The following UBE2D3 variants were observed in gnomAD, a reference collection of about 807,000 sequenced individuals.
UBE2D3 encodes the protein ubiquitin conjugating enzyme E2 D3.
In UBE2D3, 2 loss-of-function variants were observed where a neutral mutation model predicts 22.8. The observed-to-expected ratio is 0.09, with a 90% CI of 0.04 to 0.28. UBE2D3 has a LOEUF of 0.28. Among genes scored for constraint, UBE2D3 ranks in the 10% least tolerant of loss-of-function variants. The probability of loss-of-function intolerance (pLI) is 1.00; values close to 1 mark genes in which losing one functional copy is unlikely to be tolerated. For synonymous variants in UBE2D3, 56 were observed against 60.4 expected (o/e 0.93, Z 0.34); for missense variants, 27 against 182.5 (o/e 0.15, Z 4.91).
chr4:102,837,733 C>CCT (rs1731491139), intron 1 of UBE2D3, among the ~76,000 whole-genome samples: 1 of 152,088 alleles, frequency 6.6e-6, no homozygotes, highest in Non-Finnish European at 1.5e-5. Context: ...GGGCGGATCA[C>CCT]GAGGTCAGGA....
intron 1 of UBE2D3, among the ~76,000 whole-genome samples, chr4:102,836,295 C>T (rs1194389132): frequency 5.3e-5 from 8 of 151,876 alleles, no homozygotes; most frequent in Admixed American, 3.9e-4. Context: ...TATAGGCACT[C>T]GCCACCACGC....
At chr4:102,864,109 A>G (rs917221961) in intron 1 of UBE2D3, among the ~76,000 whole-genome samples, 2 of 152,196 alleles carry the variant, frequency 1.3e-5, no homozygotes, top group East Asian at 1.9e-4. Flanking sequence ...ATTGCTATCT[A>G]TGTCTTAATT....
intron 4 of UBE2D3, 30 bp from the exon 5 acceptor site, chr4:102,802,668 A>T (rs1218892928): frequency 6.6e-7 from 1 of 1,513,060 alleles, no homozygotes; most frequent in Admixed American, 1.9e-5. Flanking sequence ...CTTAACTCAA[A>T]TTTAAAATAT....
At chr4:102,799,101 T>C in intron 7 of UBE2D3, 2 of 1,113,956 alleles carry the variant, frequency 1.8e-6, no homozygotes, top group Non-Finnish European at 2.6e-6. Flanking sequence ...GTACTAACAT[T>C]TTTGGAAAAA....
chr4:102,825,637 A>G (rs1730333106), intron 2 of UBE2D3: 2 of 1,132,822 alleles, frequency 1.8e-6, no homozygotes, highest in Middle Eastern at 4.6e-4. Context: ...TTTTTTTTCA[A>G]CTTAAATCGA....
chr4:102,837,271 C>T (rs911191926), intron 1 of UBE2D3, among the ~76,000 whole-genome samples: 2 of 152,158 alleles, frequency 1.3e-5, no homozygotes, highest in African/African-American at 4.8e-5. Context: ...TTGTTAAACA[C>T]AGCCATTATT....
At chr4:102,832,980 G>C (rs1002928606) in intron 1 of UBE2D3, among the ~76,000 whole-genome samples, 1 of 142,480 alleles carries the variant, frequency 7.0e-6, no homozygotes, top group Non-Finnish European at 1.5e-5. Context: ...CTAGGTGACA[G>C]AGTGAGACCC....
intron 1 of UBE2D3, among the ~76,000 whole-genome samples, chr4:102,835,929 G>A (rs146322023): frequency 5.5e-4 from 83 of 152,030 alleles, no homozygotes; most frequent in Non-Finnish European, 1.1e-3. Context: ...TTCTGTCACG[G>A]TAAATTAGTT....
intron 1 of UBE2D3, among the ~76,000 whole-genome samples, chr4:102,833,474 T>C (rs1731223340): frequency 6.6e-6 from 1 of 152,182 alleles, no homozygotes; most frequent in Non-Finnish European, 1.5e-5. Context: ...TATAAGTGGG[T>C]ATCAAGGTGA....
At position 102,818,948 on chromosome 4, in the gene UBE2D3, G is replaced by A. The variant is rs148069784; in HGVS notation, c.24+7537C>T. Among the ~76,000 whole-genome samples, 207 of 152,258 alleles carry A rather than the reference G, an allele frequency of 1.4e-3. No individual in the cohort carries two copies. In the Middle Eastern group the frequency reaches 0.017, roughly 13 times the overall value. ...CATTCAATGATAAGTGGTACTAGCA[G>A]TGGTGACCAACCACAGGCTACAAAG... On this transcript the variant is annotated intron_variant, in intron 2 of 7. Transcript: ENST00000453744.
At chr4:102,865,996 G>A (rs1164581171) in intron 1 of UBE2D3, among the ~76,000 whole-genome samples, 1 of 152,108 alleles carries the variant, frequency 6.6e-6, no homozygotes, top group African/African-American at 2.4e-5. Flanking sequence ...TCTATTTAGA[G>A]CAATATTATC....
chr4:102,797,160 TTA>T lies in UBE2D3; in HGVS notation c.*253_*254del. The T allele has an allele frequency of 1.2e-5, 4 of 340,640 alleles. No homozygotes were observed. The highest frequency in any genetic ancestry group is 6.9e-5 in the South Asian group (1 of 14,512). 21.1% of individuals were successfully genotyped at this position (340,640 alleles called of 1,614,324 possible). On this transcript the variant is annotated 3_prime_UTR_variant, in exon 8 of 8. Transcript: ENST00000453744. ...TAATACACATGCTCCATTTTTTTTTTTAAAAATTCTGAGTCTTGGGCAACTGT... is the reference window on the plus strand; with the variant it reads ...TAATACACATGCTCCATTTTTTTTTTAAAATTCTGAGTCTTGGGCAACTGT...
chr4:102,862,368 T>C (rs1230752098), intron 1 of UBE2D3, among the ~76,000 whole-genome samples: 2 of 152,024 alleles, frequency 1.3e-5, no homozygotes, highest in East Asian at 3.8e-4. Flanking sequence ...GTTTCTCATA[T>C]GATAATCATT....
At chr4:102,826,812 G>C in intron 1 of UBE2D3, 176 bp from the exon 2 acceptor site, 1 of 1,235,690 alleles carries the variant, frequency 8.1e-7, no homozygotes, top group South Asian at 2.4e-5. Flanking sequence ...GGGAAGAGCG[G>C]AGGTGGTGGC....
intron 2 of UBE2D3, chr4:102,825,225 T>C: frequency 1.0e-6 from 1 of 985,652 alleles, no homozygotes; most frequent in Non-Finnish European, 1.2e-6. Flanking sequence ...AAAACCAAAG[T>C]TTCTAACACT....
chr4:102,867,719 A>G (rs1733212750), intron 1 of UBE2D3, among the ~76,000 whole-genome samples: 1 of 152,132 alleles, frequency 6.6e-6, no homozygotes, highest in African/African-American at 2.4e-5. Context: ...GGATCCCTTA[A>G]GCCGGAGTTA....
chr4:102,811,866 A>G, intron 2 of UBE2D3: 1 of 395,718 alleles, frequency 2.5e-6, no homozygotes, highest in Non-Finnish European at 4.8e-6. Flanking sequence ...AAAAGAAAAA[A>G]AAATTACGAT....
At position 102,866,372 on chromosome 4, in the gene UBE2D3, C is replaced by T. The variant is rs192086517; in HGVS notation, c.-129+2343G>A. ...TAAGCCAACCATAAAAAATTACATA[C>T]TGTAAAATTACTTATATGTGAGGGT... On this transcript the variant is annotated intron_variant, in intron 1 of 7. Coordinates refer to the UBE2D3 transcript ENST00000338145. Among the ~76,000 whole-genome samples the T allele has an allele frequency of 3.3e-5, 5 of 152,278 alleles. No homozygotes were observed. In the East Asian group the frequency reaches 9.6e-4, roughly 29 times the overall value.
intron 1 of UBE2D3, chr4:102,827,016 G>T (rs1213714879): frequency 6.0e-6 from 6 of 994,282 alleles, no homozygotes; most frequent in Non-Finnish European, 7.2e-6. Flanking sequence ...ACTCCGGACG[G>T]ACGCCGGGCT....
Sources: gnomAD v4.1 joint callset for allele counts (sites outside exome capture counted in the v4.1 genomes callset) on GRCh38, gnomAD v4.1.1 for gene constraint, MANE v1.5 for transcripts, NCBI Gene and HGNC (gene_info 2026-07-23, HGNC 2026-07-21) for gene names.